Variants in DSCAML1 observed in about 807,000 individuals in gnomAD.
The protein encoded by DSCAML1 is cell adhesion molecule DSCAML1.
A neutral mutation model predicts 200.5 loss-of-function variants in DSCAML1; 38 were observed. The observed-to-expected ratio is 0.19, with a 90% CI of 0.15 to 0.25. The LOEUF is 0.25. Ranked by LOEUF, DSCAML1 falls within the 10% of genes least tolerant of loss-of-function variation. The pLI, the probability that DSCAML1 is intolerant of heterozygous loss-of-function variation, is 1.00. For synonymous variants in DSCAML1, 1,215 were observed against 1,165.0 expected (o/e 1.04, Z -0.87); for missense variants, 2,223 against 2,858.8 (o/e 0.78, Z 5.07).
intron 20 of DSCAML1, 29 bp from the exon 21 acceptor site, chr11:117,444,068 G>C (rs981908420): frequency 1.3e-6 from 2 of 1,592,696 alleles, no homozygotes; most frequent in Non-Finnish European, 1.7e-6. Flanking sequence ...GAGGCTCTAA[G>C]AAGCAGAACT....
chr11:117,570,898 C>T (rs2050837929), intron 3 of DSCAML1, among the ~76,000 whole-genome samples: 1 of 152,244 alleles, frequency 6.6e-6, no homozygotes, highest in Admixed American at 6.5e-5. Flanking sequence ...CTTTGAGGAG[C>T]TCAAAGACGA....
At chr11:117,737,355 C>T (rs2054336558) in intron 3 of DSCAML1, among the ~76,000 whole-genome samples, 1 of 152,206 alleles carries the variant, frequency 6.6e-6, no homozygotes, top group Non-Finnish European at 1.5e-5. Context: ...ATCTGATGTT[C>T]CCAGTGGACT....
At chr11:117,515,342 G>C (rs909837176) in intron 8 of DSCAML1, among the ~76,000 whole-genome samples, 4 of 152,074 alleles carry the variant, frequency 2.6e-5, no homozygotes, top group Non-Finnish European at 4.4e-5. Context: ...TCCCCAGCCT[G>C]GCCCCAGAGA....
chr11:117,470,032 G>A (rs1388615306), intron 15 of DSCAML1, 52 bp from the exon 16 acceptor site: 2 of 1,515,348 alleles, frequency 1.3e-6, no homozygotes, highest in South Asian at 2.6e-5. Flanking sequence ...CTTGGAAGAG[G>A]AAGGGGTTCT....
intron 3 of DSCAML1, among the ~76,000 whole-genome samples, chr11:117,717,940 G>C (rs555359572): frequency 9.3e-4 from 141 of 152,308 alleles, no homozygotes; most frequent in Middle Eastern, 3.4e-3. Flanking sequence ...AGGAGTGCAG[G>C]TTCCAGCTTC....
Position 117,516,184 on chromosome 11 carries a change from C to A in DSCAML1, c.1783+283G>T, listed in dbSNP as rs1424305247. 2.0e-5 allele frequency among the ~76,000 whole-genome samples: 3 copies of A among 152,214 alleles called. No homozygotes were observed. The highest frequency in any genetic ancestry group is 4.4e-5 in the Non-Finnish European group (3 of 68,034). ...ACCTGGCCTCTCTCCCAGAAGGCAG[C>A]CTGCCTCCTTTATCTGTAACTCACC... On this transcript the variant is annotated intron_variant, in intron 8 of 32. Transcript: ENST00000651296. This position sits in a 1 kb window ranked among gnomAD's most constrained non-coding sequence, Gnocchi z 5.7.
chr11:117,793,885 A>T (rs966793575), intron 1 of DSCAML1, among the ~76,000 whole-genome samples: 2 of 152,208 alleles, frequency 1.3e-5, no homozygotes, highest in Admixed American at 1.3e-4. Flanking sequence ...CTTGTCGGGC[A>T]TCATGGCCCT....
intron 19 of DSCAML1, among the ~76,000 whole-genome samples, chr11:117,451,031 C>T (rs187683225): frequency 3.1e-4 from 47 of 152,294 alleles, no homozygotes; most frequent in East Asian, 1.7e-3. Context: ...GACCCTCACC[C>T]CCTTACTAAC....
intron 3 of DSCAML1, among the ~76,000 whole-genome samples, chr11:117,551,704 T>C (rs989714751): frequency 6.6e-6 from 1 of 151,446 alleles, no homozygotes; most frequent in Admixed American, 6.6e-5. Context: ...GGAAAGGGGG[T>C]CTGGAGGGGA....
intron 3 of DSCAML1, among the ~76,000 whole-genome samples, chr11:117,728,698 A>C (rs2054173188): frequency 6.6e-6 from 1 of 152,258 alleles, no homozygotes; most frequent in Non-Finnish European, 1.5e-5. Context: ...AATAGCATCC[A>C]AAAAGAATAC....
At chr11:117,435,381 A>G (rs1469553589) in intron 27 of DSCAML1, among the ~76,000 whole-genome samples, 1 of 152,240 alleles carries the variant, frequency 6.6e-6, no homozygotes, top group Non-Finnish European at 1.5e-5. Flanking sequence ...ATATTTAACA[A>G]TCAACATGGC....
chr11:117,586,845 G>T (rs1462460323), intron 3 of DSCAML1, among the ~76,000 whole-genome samples: 1 of 152,202 alleles, frequency 6.6e-6, no homozygotes, highest in African/African-American at 2.4e-5. Flanking sequence ...TGATTGCTGA[G>T]TCCAGCATGT....
intron 1 of DSCAML1, among the ~76,000 whole-genome samples, chr11:117,802,735 T>C (rs1211430557): frequency 1.3e-5 from 2 of 152,208 alleles, no homozygotes; most frequent in Non-Finnish European, 2.9e-5. Flanking sequence ...GTTGTCATCT[T>C]GACCTTGTAG....
At chr11:117,559,142 G>GAAAGAAAGACAGACAC (rs1555184792) in intron 3 of DSCAML1, among the ~76,000 whole-genome samples, 2 of 151,426 alleles carry the variant, frequency 1.3e-5, no homozygotes, top group African/African-American at 4.9e-5. Flanking sequence ...CAGACACAAA[G>GAAAGAAAGACAGACAC]AAAGAAAGAA....
At position 117,566,666 on chromosome 11, in the gene DSCAML1, G is replaced by A. The variant is rs2137427772; in HGVS notation, c.512-34144C>T. On this transcript the variant is annotated intron_variant, in intron 3 of 32. Coordinates refer to ENST00000651296, the MANE Select transcript of DSCAML1 (RefSeq NM_020693.4). ...ATATGTATACATGTGCCATGCTGGT[G>A]TGCTGCACCCACTAACTCATCATCT... 2.0e-5 allele frequency among the ~76,000 whole-genome samples: 3 copies of A among 151,282 alleles called. No individual in the cohort carries two copies. The South Asian group carries it at 6.3e-4, about 32-fold the overall frequency.
Position 117,507,083 on chromosome 11 carries a change from G to A in DSCAML1, c.1784-1351C>T, listed in dbSNP as rs116346482. ...GATGTGAGATGGATCCTCCTTTCTC[G>A]GCTCTGGCTAGAGCATCAGCCATTA... On this transcript the variant is annotated intron_variant, in intron 8 of 32. Transcript: ENST00000651296. 8.1e-3 allele frequency among the ~76,000 whole-genome samples: 1,231 copies of A among 152,290 alleles called. 11 individuals carry two copies. The highest frequency in any genetic ancestry group is 0.029 in the African/African-American group (1,192 of 41,538).
chr11:117,715,989 CCAAA>C (rs2053946115), intron 3 of DSCAML1, among the ~76,000 whole-genome samples: 1 of 152,168 alleles, frequency 6.6e-6, no homozygotes, highest in South Asian at 2.1e-4. Context: ...TTTACGCTGC[CCAAA>C]CAATCAAGCC....
At chr11:117,667,786 G>A (rs2053009713) in intron 3 of DSCAML1, among the ~76,000 whole-genome samples, 1 of 152,242 alleles carries the variant, frequency 6.6e-6, no homozygotes, top group Admixed American at 6.5e-5. Flanking sequence ...TTACTCCCAA[G>A]AGGAAATGCT....
At position 117,481,990 on chromosome 11, in the gene DSCAML1, G is replaced by C. The variant is rs767055301; in HGVS notation, c.2532C>G (p.Asn844Lys). The C allele has an allele frequency of 6.2e-7, 1 of 1,614,152 alleles. No individual in the cohort carries two copies. Among genetic ancestry groups the C allele is most frequent in the Admixed American group, 1.7e-5 (1 of 60,030 alleles). Residue 844 changes from asparagine to lysine, a missense_variant, in exon 12 of 33, where the codon AAC becomes AAG. By Grantham distance (94) the Asn-to-Lys change is moderately conservative. Coordinates refer to ENST00000651296, the MANE Select transcript of DSCAML1 (RefSeq NM_020693.4). ...TCAGTGTGGAGACGACCTCGTCGCC[G>C]TTGTCCTTGGTGGCGATGGCATACC... The part of the protein sequence containing the change: ...VMRYAIATKD[N>K]GDEVVSTLKL...
Sources: gnomAD v4.1 joint callset for allele counts (sites outside exome capture counted in the v4.1 genomes callset) on GRCh38, gnomAD v4.1.1 for gene constraint, Gnocchi (gnomAD v3.1) non-coding constraint, MANE v1.5 for transcripts, NCBI Gene and HGNC (gene_info 2026-07-23, HGNC 2026-07-21) for gene names.